TEX14: variants seen among roughly 807,000 people sequenced by gnomAD.
The protein encoded by TEX14 is inactive serine/threonine-protein kinase TEX14.
TEX14 carries 168 observed loss-of-function variants against 178.6 expected under a neutral mutation model. The ratio of observed to expected loss-of-function variants is 0.94; its 90% CI spans 0.83 to 1.07. TEX14 has a LOEUF of 1.07. Among genes scored for constraint, TEX14 ranks in the 50% least tolerant of loss-of-function variants. The pLI is 0.00. For missense variants in TEX14, 1,730 were observed against 1,753.6 expected (o/e 0.99, Z 0.24); for synonymous variants, 626 against 634.1 (o/e 0.99, Z 0.19).
At chr17:58,681,256 T>C (rs1158720684) in intron 1 of TEX14, among the ~76,000 whole-genome samples, 1 of 151,970 alleles carries the variant, frequency 6.6e-6, no homozygotes, top group South Asian at 2.1e-4. Flanking sequence ...CGAAACTCCA[T>C]CTCTAATGAT....
Position 58,651,936 on chromosome 17 carries a change from G to A in TEX14, c.66C>T (p.Ser22=). 1 of 1,613,154 alleles carries A rather than the reference G, an allele frequency of 6.2e-7. No individual in the cohort carries two copies. Among genetic ancestry groups the A allele is most frequent in the Non-Finnish European group, 8.5e-7 (1 of 1,179,746 alleles). ...CATACTCATGAAGCTGAGCTTCCAG[G>A]GAGTCATTTCTTAAGGTACCAAGTT... ...PVQLGTLRND[S]LEAQLHEYVK... Residue 22 remains serine (S), a synonymous_variant, in exon 2 of 32, where the codon TCC becomes TCT. Coordinates refer to ENST00000349033, the MANE Select transcript of TEX14 (RefSeq NM_031272.5).
intron 14 of TEX14, 54 bp from the exon 15 acceptor site, chr17:58,593,715 T>C (rs1598367261): frequency 1.8e-5 from 25 of 1,373,692 alleles, no homozygotes; most frequent in Non-Finnish European, 2.5e-5. Flanking sequence ...TCCCACTCTC[T>C]TCACTGTCAC....
Position 58,573,328 on chromosome 17 carries a change from C to G in TEX14, c.3384-20G>C, listed in dbSNP as rs781513639. 4.3e-6 allele frequency: 7 copies of G among 1,610,578 alleles called. No homozygotes were observed. The highest frequency in any genetic ancestry group is 2.2e-5 in the South Asian group (2 of 90,740). On this transcript the variant is annotated intron_variant, in intron 22 of 31. Coordinates refer to ENST00000349033, the MANE Select transcript of TEX14 (RefSeq NM_031272.5). ...AATGATCTAAAGAATTAAGAGCACA[C>G]AGTAATGATGAGAAGATGACTAGAA...
intron 23 of TEX14, 36 bp from the exon 24 acceptor site, chr17:58,572,162 C>T: frequency 6.8e-7 from 1 of 1,467,396 alleles, no homozygotes; most frequent in Non-Finnish European, 9.4e-7. Flanking sequence ...TGTCTGAATC[C>T]TTTATATTAT....
chr17:58,592,220 G>T (rs1011119702), intron 15 of TEX14, among the ~76,000 whole-genome samples: 2 of 148,442 alleles, frequency 1.3e-5, no homozygotes, highest in African/African-American at 4.9e-5. Context: ...ACTTAAGTTC[G>T]TTCTTTATTT....
At chr17:58,572,509 G>A (rs1369057117) in intron 23 of TEX14, among the ~76,000 whole-genome samples, 3 of 152,056 alleles carry the variant, frequency 2.0e-5, no homozygotes, top group African/African-American at 7.2e-5. Context: ...GCGGGCGCCT[G>A]TAGTCCCAGC....
chr17:58,612,847 G>A (rs1197030587), intron 9 of TEX14, among the ~76,000 whole-genome samples: 3 of 151,972 alleles, frequency 2.0e-5, no homozygotes, highest in Admixed American at 2.0e-4. Flanking sequence ...GGAGGTTACA[G>A]TGAGCTATGA....
intron 2 of TEX14, among the ~76,000 whole-genome samples, chr17:58,639,500 A>G (rs2046522590): frequency 6.6e-6 from 1 of 152,036 alleles, no homozygotes; most frequent in African/African-American, 2.4e-5. Flanking sequence ...CAGGAGTTCA[A>G]GACTAGCCTG....
intron 4 of TEX14, 108 bp downstream of exon 4, chr17:58,622,739 A>G (rs1319031396): frequency 2.8e-5 from 31 of 1,126,892 alleles, no homozygotes; most frequent in Non-Finnish European, 3.7e-5. Context: ...CTGAGACTCC[A>G]GTACCAATAC....
intron 1 of TEX14, among the ~76,000 whole-genome samples, chr17:58,680,426 T>G (rs917166298): frequency 6.6e-5 from 10 of 152,186 alleles, no homozygotes; most frequent in African/African-American, 2.2e-4. Context: ...AAAGATCAAT[T>G]GCACAAACGC....
chr17:58,682,949 G>A (rs2047524779), intron 1 of TEX14, among the ~76,000 whole-genome samples: 2 of 151,636 alleles, frequency 1.3e-5, no homozygotes, highest in Non-Finnish European at 2.9e-5. Flanking sequence ...GCTGGATGCG[G>A]TGGCTAACAC....
intron 1 of TEX14, among the ~76,000 whole-genome samples, chr17:58,690,635 A>G (rs302874): frequency 0.62 from 94,684 of 151,998 alleles, 29,905 homozygotes; most frequent in African/African-American, 0.71. Flanking sequence ...ATCTCCCTGA[A>G]GATAGTATTT....
At chr17:58,604,953 T>G (rs2045570232) in intron 11 of TEX14, 25 bp downstream of exon 11, 1 of 1,613,182 alleles carries the variant, frequency 6.2e-7, no homozygotes, top group Non-Finnish European at 8.5e-7. Context: ...GGGACTTTGG[T>G]CAACCATTAA....
rs144819584 is a variant in TEX14, at chr17:58,646,026, A to G, written c.136+5840T>C. ...GTCTTCATTTTTGTTTGTATTTTTT[A>G]TTGTAGTGTTATTTTTTAATTGTTT... On this transcript the variant is annotated intron_variant, in intron 2 of 31. Transcript: ENST00000349033. Among the ~76,000 whole-genome samples the G allele has an allele frequency of 2.8e-3, 424 of 152,076 alleles. 2 individuals are homozygous for G. The highest frequency in any genetic ancestry group is 9.9e-3 in the African/African-American group (409 of 41,488).
At chr17:58,645,135 G>A (rs79155614) in intron 2 of TEX14, among the ~76,000 whole-genome samples, 21,837 of 150,894 alleles carry the variant, frequency 0.14, 2,439 homozygotes, top group East Asian at 0.31. Flanking sequence ...ACAGGCCCAC[G>A]CCACCATATC....
intron 19 of TEX14, among the ~76,000 whole-genome samples, chr17:58,583,491 C>T (rs1214145853): frequency 6.6e-6 from 1 of 152,152 alleles, no homozygotes; most frequent in African/African-American, 2.4e-5. Context: ...TCTTGAACTC[C>T]TGGCTTTAAG....
intron 2 of TEX14, among the ~76,000 whole-genome samples, chr17:58,642,214 T>A (rs890708486): frequency 1.3e-5 from 2 of 152,214 alleles, no homozygotes; most frequent in African/African-American, 4.8e-5. Context: ...AACTTCCTGC[T>A]GTAAATTTCC....
At chr17:58,563,621 T>TTATATATATATATATATA (rs3034889) in intron 28 of TEX14, among the ~76,000 whole-genome samples, 1 of 46,480 alleles carries the variant, frequency 2.2e-5, no homozygotes, top group Non-Finnish European at 3.7e-5. Context: ...CATCTCTAAT[T>TTATATATATATATATATA]TATATATATA....
chr17:58,619,598 A>G (rs2045950741), intron 5 of TEX14, among the ~76,000 whole-genome samples: 1 of 152,132 alleles, frequency 6.6e-6, no homozygotes, highest in Non-Finnish European at 1.5e-5. Context: ...ACCTGAGGTC[A>G]GGAATTCCAG....
Sources: allele counts gnomAD v4.1 joint callset (sites outside exome capture counted in the v4.1 genomes callset), GRCh38; gene constraint gnomAD v4.1.1; transcripts MANE v1.5; gene names NCBI Gene and HGNC (gene_info 2026-07-23, HGNC 2026-07-21).